Variants in TRIM44 observed in about 807,000 individuals in gnomAD.
The protein encoded by TRIM44 is tripartite motif-containing protein 44.
Under a neutral mutation model 37.4 loss-of-function variants are expected in TRIM44, and 13 were observed. The ratio of observed to expected loss-of-function variants is 0.35; its 90% CI spans 0.23 to 0.55. TRIM44 has a LOEUF of 0.55. Among genes scored for constraint, TRIM44 ranks in the 20% least tolerant of loss-of-function variants. The probability of loss-of-function intolerance (pLI) is 0.89; values close to 1 mark genes in which losing one functional copy is unlikely to be tolerated. For synonymous variants in TRIM44, 175 were observed against 157.2 expected (o/e 1.11, Z -0.85); for missense variants, 426 against 437.2 (o/e 0.97, Z 0.23).
chr11:35,696,507 C>A (rs536762550), intron 2 of TRIM44, among the ~76,000 whole-genome samples: 1 of 152,076 alleles, frequency 6.6e-6, no homozygotes, highest in African/African-American at 2.4e-5. Flanking sequence ...CTTTCCGAAT[C>A]ATCTGTCTCT....
intron 4 of TRIM44, among the ~76,000 whole-genome samples, chr11:35,749,437 C>G (rs1234283961): frequency 1.3e-5 from 2 of 152,202 alleles, no homozygotes; most frequent in African/African-American, 4.8e-5. Context: ...GTAATCCCAG[C>G]ACTTTGAGAG....
At chr11:35,711,901 T>C (rs1024093709) in intron 2 of TRIM44, among the ~76,000 whole-genome samples, 1 of 152,186 alleles carries the variant, frequency 6.6e-6, no homozygotes, top group African/African-American at 2.4e-5. Context: ...CCAAGCCTTG[T>C]AGAGAAAAAT....
chr11:35,702,105 C>T (rs1042950803), intron 2 of TRIM44, among the ~76,000 whole-genome samples: 1 of 152,220 alleles, frequency 6.6e-6, no homozygotes, highest in Non-Finnish European at 1.5e-5. Flanking sequence ...TTCATTCTGG[C>T]CAGAGGAATA....
intron 1 of TRIM44, among the ~76,000 whole-genome samples, chr11:35,677,640 T>C (rs1851473147): frequency 6.6e-6 from 1 of 152,186 alleles, no homozygotes; most frequent in Non-Finnish European, 1.5e-5. Flanking sequence ...TATATATTAT[T>C]CGAAGTTAGT....
At chr11:35,753,294 C>T (rs1268606937) in intron 4 of TRIM44, among the ~76,000 whole-genome samples, 1 of 152,194 alleles carries the variant, frequency 6.6e-6, no homozygotes, top group Non-Finnish European at 1.5e-5. Context: ...ATTTGGGCCT[C>T]AGAGCCTAAT....
At chr11:35,740,932 T>C (rs952488992) in intron 4 of TRIM44, among the ~76,000 whole-genome samples, 1 of 152,106 alleles carries the variant, frequency 6.6e-6, no homozygotes, top group Non-Finnish European at 1.5e-5. Flanking sequence ...TTCTAGGTAC[T>C]TTTTTTCCCC....
intron 4 of TRIM44, among the ~76,000 whole-genome samples, chr11:35,789,471 A>C (rs975005298): frequency 3.4e-5 from 5 of 148,906 alleles, no homozygotes; most frequent in African/African-American, 1.0e-4. Flanking sequence ...TACATTCATT[A>C]AGCACCTGGG....
intron 1 of TRIM44, among the ~76,000 whole-genome samples, chr11:35,668,641 C>G (rs1851358033): frequency 6.6e-6 from 1 of 152,206 alleles, no homozygotes; most frequent in Non-Finnish European, 1.5e-5. Flanking sequence ...GATTCAGTGT[C>G]TTAGCTATTG....
At chr11:35,759,539 G>A (rs1262732612) in intron 4 of TRIM44, among the ~76,000 whole-genome samples, 1 of 152,200 alleles carries the variant, frequency 6.6e-6, no homozygotes, top group African/African-American at 2.4e-5. Flanking sequence ...TCCGTTGCTG[G>A]TAAGTAGCTG....
At chr11:35,702,149 G>C (rs1359292311) in intron 2 of TRIM44, among the ~76,000 whole-genome samples, 1 of 152,212 alleles carries the variant, frequency 6.6e-6, no homozygotes, top group Non-Finnish European at 1.5e-5. Flanking sequence ...AAGCCACTCT[G>C]CTTAGCACTC....
rs555689278 is a variant in TRIM44 at position 35,689,522 on chromosome 11, T to C, written c.747+4186T>C. 2.6e-5 allele frequency among the ~76,000 whole-genome samples: 4 copies of C among 152,320 alleles called. No individual in the cohort carries two copies. In the East Asian group the frequency reaches 5.8e-4, roughly 22 times the overall value. The stretch of plus-strand genomic sequence containing the variant: ...ACTTGGTTTAGTTTGCAAACTTTTT[T>C]TTCTCCAGCCAAACTTTTCTGAAAC... On this transcript the variant is annotated intron_variant, in intron 2 of 4. Coordinates refer to ENST00000299413, the MANE Select transcript of TRIM44 (RefSeq NM_017583.6).
At position 35,770,372 on chromosome 11, in the gene TRIM44, G is replaced by A. The variant is rs542953806; in HGVS notation, c.1007+34927G>A. On this transcript the variant is annotated intron_variant, in intron 4 of 4. Coordinates refer to ENST00000299413, the MANE Select transcript of TRIM44 (RefSeq NM_017583.6). Reference sequence around the variant, plus strand: ...AATAGTGCTGTGATGAACTAAGAGCGCATGTAACTTTTTGGTAGAATGATT... The same window carrying A: ...AATAGTGCTGTGATGAACTAAGAGCACATGTAACTTTTTGGTAGAATGATT... Among the ~76,000 whole-genome samples the A allele has an allele frequency of 7.2e-5, 11 of 152,254 alleles. No individual in the cohort carries two copies. In the South Asian group the frequency reaches 1.2e-3, roughly 17 times the overall value.
At chr11:35,706,577 C>G (rs1452715791) in intron 2 of TRIM44, among the ~76,000 whole-genome samples, 1 of 152,230 alleles carries the variant, frequency 6.6e-6, no homozygotes, top group African/African-American at 2.4e-5. Context: ...ATCGAGTGGG[C>G]TTCATCCCTG....
chr11:35,767,564 T>C (rs554224224), intron 4 of TRIM44, among the ~76,000 whole-genome samples: 4 of 148,156 alleles, frequency 2.7e-5, no homozygotes, highest in East Asian at 5.2e-4. Flanking sequence ...TGAGGAAATA[T>C]TATGAGAATA....
chr11:35,688,783 T>C (rs1851609530), intron 2 of TRIM44, among the ~76,000 whole-genome samples: 1 of 152,208 alleles, frequency 6.6e-6, no homozygotes, highest in Admixed American at 6.5e-5. Context: ...TTTTATTCAA[T>C]TGGCCTGGGG....
At chr11:35,766,413 T>C (rs924596322) in intron 4 of TRIM44, among the ~76,000 whole-genome samples, 46 of 152,156 alleles carry the variant, frequency 3.0e-4, no homozygotes, top group African/African-American at 1.1e-3. Flanking sequence ...TTGGGAAAGG[T>C]AGGCAGAATT....
intron 1 of TRIM44, among the ~76,000 whole-genome samples, chr11:35,668,042 A>G (rs1249341058): frequency 2.0e-5 from 3 of 152,168 alleles, no homozygotes; most frequent in Non-Finnish European, 4.4e-5. Flanking sequence ...TTTGTGAAAG[A>G]TTGAAATATT....
chr11:35,727,283 GA>G (rs1182236999), intron 3 of TRIM44, among the ~76,000 whole-genome samples: 2 of 151,910 alleles, frequency 1.3e-5, no homozygotes, highest in Admixed American at 1.3e-4. Context: ...GGTCCTTCTA[GA>G]AAAAAAACAT....
intron 1 of TRIM44, among the ~76,000 whole-genome samples, chr11:35,668,875 T>C (rs1851361204): frequency 6.6e-6 from 1 of 152,254 alleles, no homozygotes; most frequent in African/African-American, 2.4e-5. Flanking sequence ...TTTGTCCATT[T>C]TATGTAAATT....
Sources: allele counts gnomAD v4.1 joint callset (sites outside exome capture counted in the v4.1 genomes callset), GRCh38; gene constraint gnomAD v4.1.1; transcripts MANE v1.5; gene names NCBI Gene and HGNC (gene_info 2026-07-23, HGNC 2026-07-21).